Variants in TBC1D32 observed in about 807,000 individuals in gnomAD.
TBC1D32 encodes the protein protein broad-minded.
In TBC1D32, 151 loss-of-function variants were observed where a neutral mutation model predicts 170.3. The observed-to-expected ratio is 0.89, with a 90% CI of 0.78 to 1.01. TBC1D32 has a LOEUF of 1.01. Ranked by LOEUF, TBC1D32 falls within the 50% of genes least tolerant of loss-of-function variation. The pLI is 0.00. For synonymous variants in TBC1D32, 498 were observed against 488.0 expected (o/e 1.02, Z -0.27); for missense variants, 1,464 against 1,457.1 (o/e 1.00, Z -0.08).
chr6:121,252,623 G>A (rs1031960619), intron 17 of TBC1D32, among the ~76,000 whole-genome samples: 2 of 152,052 alleles, frequency 1.3e-5, no homozygotes, highest in Non-Finnish European at 2.9e-5. Context: ...AATATATGCA[G>A]GAATTACAAC....
At chr6:121,131,823 A>G in intron 24 of TBC1D32, 71 bp from the exon 25 acceptor site, 4 of 1,239,426 alleles carry the variant, frequency 3.2e-6, no homozygotes, top group Non-Finnish European at 4.4e-6. Flanking sequence ...AATGTTAACT[A>G]TGTAAACAGT....
At chr6:121,313,307 A>C (rs1583706997) in intron 3 of TBC1D32, among the ~76,000 whole-genome samples, 1 of 131,464 alleles carries the variant, frequency 7.6e-6, no homozygotes, top group Admixed American at 8.3e-5. Context: ...ACGGCATCTC[A>C]CTCTGTCGCC....
At chr6:121,209,415 T>C (rs1013152673) in intron 21 of TBC1D32, among the ~76,000 whole-genome samples, 12 of 152,282 alleles carry the variant, frequency 7.9e-5, no homozygotes, top group Admixed American at 1.3e-4. Flanking sequence ...TGTTGTACAG[T>C]AGATCTTTAG....
chr6:121,283,544 A>G (rs1803348289), intron 13 of TBC1D32, among the ~76,000 whole-genome samples: 1 of 151,930 alleles, frequency 6.6e-6, no homozygotes, highest in Non-Finnish European at 1.5e-5. Context: ...TCATGTCTTG[A>G]GAACATTTTG....
chr6:121,095,744 C>A (rs1008783715), intron 30 of TBC1D32, among the ~76,000 whole-genome samples: 1 of 152,064 alleles, frequency 6.6e-6, no homozygotes, highest in African/African-American at 2.4e-5. Context: ...TATTGATTTG[C>A]GTATGTTGAA....
At chr6:121,182,931 T>C (rs897288292) in intron 22 of TBC1D32, among the ~76,000 whole-genome samples, 11 of 152,060 alleles carry the variant, frequency 7.2e-5, no homozygotes, top group African/African-American at 2.4e-4. Context: ...TAGATTTTTT[T>C]AATGAAAAAG....
chr6:121,196,367 C>T (rs1221998965), intron 22 of TBC1D32, among the ~76,000 whole-genome samples: 1 of 152,164 alleles, frequency 6.6e-6, no homozygotes, highest in African/African-American at 2.4e-5. Context: ...ACACTGAGTC[C>T]TTGATATGGC....
chr6:121,124,315 T>A (rs1371003841), intron 26 of TBC1D32, among the ~76,000 whole-genome samples: 4 of 151,850 alleles, frequency 2.6e-5, no homozygotes, highest in African/African-American at 9.7e-5. Flanking sequence ...TTGGTTTACA[T>A]GTTTTTATTT....
chr6:121,219,033 T>C (rs1457560875), intron 21 of TBC1D32, among the ~76,000 whole-genome samples: 1 of 152,184 alleles, frequency 6.6e-6, no homozygotes, highest in African/African-American at 2.4e-5. Flanking sequence ...GACAAACTAA[T>C]ACAGGGAGGT....
intron 30 of TBC1D32, among the ~76,000 whole-genome samples, chr6:121,099,179 T>C (rs1221177758): frequency 2.0e-5 from 3 of 151,896 alleles, no homozygotes; most frequent in Non-Finnish European, 4.4e-5. Flanking sequence ...TACAATATAA[T>C]AATCAAAGAT....
intron 30 of TBC1D32, among the ~76,000 whole-genome samples, chr6:121,096,850 T>C (rs900203869): frequency 4.6e-5 from 7 of 152,020 alleles, no homozygotes; most frequent in African/African-American, 7.2e-5. Context: ...AAAACAGATA[T>C]ATAGACCAAT....
chr6:121,208,108 C>CAAA (rs796335160), intron 21 of TBC1D32, among the ~76,000 whole-genome samples: 1 of 135,714 alleles, frequency 7.4e-6, no homozygotes, highest in Non-Finnish European at 1.6e-5. Context: ...ACACACACAC[C>CAAA]AAAAAAAAAA....
chr6:121,115,163 A>T lies in TBC1D32; in HGVS notation c.3053+9T>A, dbSNP rs540841033. ...AAATGCACAAGGGAGCTATTTCCCTATAATATACCTGACAGTCATTTTAAT... is the reference window on the plus strand; with the variant it reads ...AAATGCACAAGGGAGCTATTTCCCTTTAATATACCTGACAGTCATTTTAAT... On this transcript the variant is annotated intron_variant, in intron 27 of 31. Coordinates refer to ENST00000398212, the MANE Select transcript of TBC1D32 (RefSeq NM_152730.6). 6.6e-4 allele frequency: 1,054 copies of T among 1,587,826 alleles called. 13 individuals are homozygous for T. In the South Asian group the frequency reaches 0.012, roughly 17 times the overall value.
chr6:121,126,292 CCTA>C, intron 26 of TBC1D32, 83 bp downstream of exon 26: 1 of 961,670 alleles, frequency 1.0e-6, no homozygotes, highest in South Asian at 1.7e-5. Context: ...GAGAAAACTG[CCTA>C]TCTGTAATAT....
At chr6:121,199,627 G>GTGTGTGTATATGTATATATGTATACA (rs1791275800) in intron 22 of TBC1D32, among the ~76,000 whole-genome samples, 1 of 151,048 alleles carries the variant, frequency 6.6e-6, no homozygotes, top group Non-Finnish European at 1.5e-5. Context: ...AATTCTAGAT[G>GTGTGTGTATATGTATATATGTATACA]TGTGTGTATA....
intron 31 of TBC1D32, among the ~76,000 whole-genome samples, chr6:121,083,740 CTA>C (rs1040421240): frequency 2.0e-5 from 3 of 152,022 alleles, no homozygotes; most frequent in African/African-American, 7.2e-5. Flanking sequence ...TTGAATTCTC[CTA>C]TGTTAGTTAC....
chr6:121,131,048 C>A (rs1781388875), intron 25 of TBC1D32, among the ~76,000 whole-genome samples: 1 of 151,980 alleles, frequency 6.6e-6, no homozygotes, highest in African/African-American at 2.4e-5. Context: ...TTACGGTTTT[C>A]AGGAAATCTA....
At chr6:121,201,740 T>C (rs1207434188) in intron 22 of TBC1D32, among the ~76,000 whole-genome samples, 5 of 151,226 alleles carry the variant, frequency 3.3e-5, no homozygotes, top group Non-Finnish European at 7.4e-5. Flanking sequence ...TATATCTGCA[T>C]ATCTTTCTGT....
At chr6:121,279,085 C>T in intron 15 of TBC1D32, 36 bp downstream of exon 15, 1 of 1,568,238 alleles carries the variant, frequency 6.4e-7, no homozygotes, top group East Asian at 2.3e-5. Flanking sequence ...CCAAACTATA[C>T]CTGGAATAAT....
Sources: allele counts gnomAD v4.1 joint callset (sites outside exome capture counted in the v4.1 genomes callset), GRCh38; gene constraint gnomAD v4.1.1; transcripts MANE v1.5; gene names NCBI Gene and HGNC (gene_info 2026-07-23, HGNC 2026-07-21).